LIN7A: variants seen among roughly 807,000 people sequenced by gnomAD.
LIN7A encodes the protein protein lin-7 homolog A.
In LIN7A, 25 loss-of-function variants were observed where a neutral mutation model predicts 29.8. The observed-to-expected ratio is 0.84, with a 90% confidence interval of 0.61 to 1.17. The LOEUF (loss-of-function observed/expected upper bound fraction) is 1.17, where lower values mean the gene tolerates loss of function less well. Among genes scored for constraint, LIN7A ranks in the 50% most tolerant of loss-of-function variants. The pLI is 0.00. For synonymous variants in LIN7A, 118 were observed against 107.5 expected (o/e 1.10, Z -0.60); for missense variants, 239 against 287.0 (o/e 0.83, Z 1.21).
chr12:80,853,615 A>G (rs1238942490), intron 2 of LIN7A, among the ~76,000 whole-genome samples: 2 of 141,534 alleles, frequency 1.4e-5, no homozygotes, highest in East Asian at 4.4e-4. Context: ...AGATACACCT[A>G]CACACTTATT....
intron 1 of LIN7A, among the ~76,000 whole-genome samples, chr12:80,902,582 T>C (rs1210103824): frequency 6.6e-6 from 1 of 152,104 alleles, no homozygotes; most frequent in Non-Finnish European, 1.5e-5. Flanking sequence ...TTTGCTTCCT[T>C]GGTTAGCTGT....
chr12:80,926,116 T>A (rs1170361497), intron 1 of LIN7A, among the ~76,000 whole-genome samples: 18 of 152,198 alleles, frequency 1.2e-4, no homozygotes, highest in Admixed American at 1.2e-3. Context: ...TTCAGTTGTA[T>A]TCCACTGTTA....
chr12:80,895,531 G>T (rs1342762001), intron 1 of LIN7A, among the ~76,000 whole-genome samples: 1 of 152,138 alleles, frequency 6.6e-6, no homozygotes, highest in Non-Finnish European at 1.5e-5. Flanking sequence ...CTAACAATAT[G>T]AATTATCTAT....
At chr12:80,876,805 CTGTT>C (rs933167066) in intron 2 of LIN7A, among the ~76,000 whole-genome samples, 1 of 152,132 alleles carries the variant, frequency 6.6e-6, no homozygotes, top group African/African-American at 2.4e-5. Context: ...AGTTTGAAAA[CTGTT>C]TGACATAGTC....
At chr12:80,877,597 C>CA (rs968492210) in intron 2 of LIN7A, among the ~76,000 whole-genome samples, 2 of 150,882 alleles carry the variant, frequency 1.3e-5, no homozygotes, top group East Asian at 1.9e-4. Context: ...CCCTATGAGA[C>CA]AAAAAAAGGA....
chr12:80,840,509 T>C (rs1872759985), intron 4 of LIN7A, among the ~76,000 whole-genome samples: 1 of 152,102 alleles, frequency 6.6e-6, no homozygotes, highest in Non-Finnish European at 1.5e-5. Flanking sequence ...GAGGAAACAC[T>C]CCTGGCCCTA....
Position 80,795,407 on chromosome 12 carries a change from C to T in LIN7A, c.*2320G>A, listed in dbSNP as rs889403544. The T allele has an allele frequency of 5.3e-5, 8 of 152,040 alleles. No individual in the cohort carries two copies. Among genetic ancestry groups the T allele is most frequent in the African/African-American group, 1.9e-4 (8 of 41,434 alleles). 9.4% of individuals were successfully genotyped at this position (152,040 alleles called of 1,614,324 possible). A position where few individuals can be genotyped will look rare whatever the true frequency, so the allele number is the denominator to read the frequency against. The stretch of plus-strand genomic sequence containing the variant: ...TTGCTTCTTTACTTTGACAAACAAT[C>T]TGGTATGCCTTTATCAGCACTTAAC... On this transcript the variant is annotated 3_prime_UTR_variant, in exon 6 of 6. Transcript: ENST00000552864.
At chr12:80,803,690 G>C (rs188936623) in intron 5 of LIN7A, among the ~76,000 whole-genome samples, 8 of 152,272 alleles carry the variant, frequency 5.3e-5, no homozygotes, top group African/African-American at 1.7e-4. Flanking sequence ...TTGATAGTAA[G>C]AGCATTGAAT....
chr12:80,869,290 CAT>C (rs1393442931), intron 2 of LIN7A, among the ~76,000 whole-genome samples: 16 of 152,050 alleles, frequency 1.1e-4, no homozygotes, highest in African/African-American at 3.9e-4. Flanking sequence ...GTTTAAGATG[CAT>C]ATGTTTTCTG....
At chr12:80,827,212 C>T (rs149437813) in intron 4 of LIN7A, among the ~76,000 whole-genome samples, 1,833 of 152,092 alleles carry the variant, frequency 0.012, 36 homozygotes, top group African/African-American at 0.042. Context: ...ACGGTGAAAC[C>T]CCATCTCTAC....
At chr12:80,847,362 G>C (rs1037644347) in intron 3 of LIN7A, among the ~76,000 whole-genome samples, 1 of 151,716 alleles carries the variant, frequency 6.6e-6, no homozygotes, top group African/African-American at 2.4e-5. Context: ...TTTTCCCTGA[G>C]TTTAAACAAA....
chr12:80,911,942 C>T (rs184625775), intron 1 of LIN7A, among the ~76,000 whole-genome samples: 69 of 152,174 alleles, frequency 4.5e-4, no homozygotes, highest in South Asian at 2.5e-3. Context: ...ATAATACATA[C>T]GTTGAATACG....
At chr12:80,845,615 T>C in intron 4 of LIN7A, 115 bp downstream of exon 4, 1 of 777,186 alleles carries the variant, frequency 1.3e-6, no homozygotes, top group South Asian at 1.9e-5. Context: ...AGAAAGCTGG[T>C]TAGACATAAA....
chr12:80,844,401 G>A (rs1872961765), intron 4 of LIN7A, among the ~76,000 whole-genome samples: 1 of 152,138 alleles, frequency 6.6e-6, no homozygotes, highest in Non-Finnish European at 1.5e-5. Context: ...CTACTAGTCA[G>A]TCTAAAAATA....
At chr12:80,890,601 A>C (rs1875571971) in intron 1 of LIN7A, among the ~76,000 whole-genome samples, 1 of 152,160 alleles carries the variant, frequency 6.6e-6, no homozygotes, top group African/African-American at 2.4e-5. Context: ...AAATAACAAA[A>C]AGTGACTTTG....
chr12:80,906,512 C>T (rs1484697526), intron 1 of LIN7A, among the ~76,000 whole-genome samples: 2 of 151,950 alleles, frequency 1.3e-5, no homozygotes, highest in African/African-American at 4.8e-5. Context: ...GGGGGGTTTG[C>T]CTTGCACTTG....
intron 2 of LIN7A, among the ~76,000 whole-genome samples, chr12:80,865,797 C>G (rs190420595): frequency 4.6e-4 from 70 of 152,232 alleles, no homozygotes; most frequent in African/African-American, 1.7e-3. Flanking sequence ...GGACATACAG[C>G]CTTTCAGAGG....
At chr12:80,934,478 C>T (rs573753527) in intron 1 of LIN7A, among the ~76,000 whole-genome samples, 26 of 152,300 alleles carry the variant, frequency 1.7e-4, no homozygotes, top group Middle Eastern at 3.4e-3. Flanking sequence ...CAGCCTAGAC[C>T]TTGAAAAAGC....
intron 5 of LIN7A, among the ~76,000 whole-genome samples, chr12:80,806,448 C>T (rs1248293043): frequency 2.6e-5 from 4 of 152,128 alleles, no homozygotes; most frequent in African/African-American, 7.2e-5. Context: ...ATTTCCTGCA[C>T]AGTACTTGCA....
Sources: gnomAD v4.1 joint callset for allele counts (sites outside exome capture counted in the v4.1 genomes callset) on GRCh38, gnomAD v4.1.1 for gene constraint, MANE v1.5 for transcripts, NCBI Gene and HGNC (gene_info 2026-07-23, HGNC 2026-07-21) for gene names.